Variants in CACNG7 observed in about 807,000 individuals in gnomAD.
The protein encoded by CACNG7 is calcium voltage-gated channel auxiliary subunit gamma 7.
In CACNG7, 9 loss-of-function variants were observed where a neutral mutation model predicts 26.3. The observed-to-expected ratio is 0.34, with a 90% CI of 0.21 to 0.60. The LOEUF (loss-of-function observed/expected upper bound fraction) is 0.60, where lower values mean the gene tolerates loss of function less well. Ranked by LOEUF, CACNG7 falls within the 20% of genes least tolerant of loss-of-function variation. The pLI, the probability that CACNG7 is intolerant of heterozygous loss-of-function variation, is 0.81. For synonymous variants in CACNG7, 170 were observed against 157.0 expected, an observed-to-expected ratio of 1.08 and a Z score of -0.62; for missense variants, 297 against 380.4, an observed-to-expected ratio of 0.78 and a Z score of 1.82.
At chr19:53,925,436 T>C (rs1336053469) in intron 4 of CACNG7, among the ~76,000 whole-genome samples, 1 of 140,042 alleles carries the variant, frequency 7.1e-6, no homozygotes, top group East Asian at 2.1e-4. Flanking sequence ...CCCAGGCTGG[T>C]CATTGGTGGA....
chr19:53,912,179 C>G lies in CACNG7; in HGVS notation c.-29-624C>G, dbSNP rs909111604. On this transcript the variant is annotated intron_variant, in intron 1 of 5. Coordinates refer to ENST00000391767, the MANE Select transcript of CACNG7 (RefSeq NM_031896.5). This position sits in a 1 kb window ranked among gnomAD's most constrained non-coding sequence, Gnocchi z 4.6. ...GTGCTCTGGGATCTAGGTCCTGGCT[C>G]AGAGTTGAGGTTATTGATCCTTGTT... Among the ~76,000 whole-genome samples the G allele has an allele frequency of 1.3e-5, 2 of 152,106 alleles. No homozygotes were observed. Among genetic ancestry groups the G allele is most frequent in the Admixed American group, 6.5e-5 (1 of 15,272 alleles).
At position 53,941,476 on chromosome 19, in the gene CACNG7, C is replaced by T. The variant is rs1236843192; in HGVS notation, c.431C>T (p.Ser144Phe). ...ACCCCCTCTGCTCCCCTAGGCCTCT[C>T]CTTGGTGGTGGGCTTGGTTCTTTAC... ...SGIFFILSGL[S>F]LVVGLVLYIS... The change falls in exon 5 of 6, where the codon TCC (serine) becomes TTC (phenylalanine). Residue 144 changes from serine (S) to phenylalanine (F), a missense_variant. Ser to Phe is a radical substitution (Grantham distance 155). Coordinates refer to ENST00000391767, the MANE Select transcript of CACNG7 (RefSeq NM_031896.5). 6.4e-7 allele frequency: 1 copy of T among 1,569,532 alleles called. No individual in the cohort carries two copies. The highest frequency in any genetic ancestry group is 8.6e-7 in the Non-Finnish European group (1 of 1,163,030).
At chr19:53,913,086 C>A in intron 2 of CACNG7, 59 bp downstream of exon 2, 1 of 1,476,948 alleles carries the variant, frequency 6.8e-7, no homozygotes, top group Non-Finnish European at 9.3e-7. Flanking sequence ...GTCTGAGAGT[C>A]TTAGCCATAG....
rs185787928 is a variant in CACNG7, at chr19:53,932,792, G to A, written c.425-8678G>A. ...TTTTCCAATGGAATCTTCTGTTGTC[G>A]TTTAATATGTTCATCTATTTCAGTG... On this transcript the variant is annotated intron_variant, in intron 4 of 5. Transcript: ENST00000391767. Among the ~76,000 whole-genome samples, 77 of 146,170 alleles carry A rather than the reference G, an allele frequency of 5.3e-4. 1 individual carries two copies. In the East Asian group the frequency reaches 0.015, roughly 28 times the overall value.
intron 4 of CACNG7, among the ~76,000 whole-genome samples, chr19:53,941,070 AAAAAG>A (rs1265891160): frequency 5.3e-5 from 8 of 151,990 alleles, no homozygotes; most frequent in African/African-American, 1.7e-4. Context: ...TCAAAAAAAA[AAAAAG>A]AGAGAAAAGA....
intron 4 of CACNG7, among the ~76,000 whole-genome samples, chr19:53,921,897 A>G (rs1406503615): frequency 1.3e-5 from 1 of 76,778 alleles, no homozygotes; most frequent in African/African-American, 8.7e-5. Flanking sequence ...TCATTGGTGG[A>G]GTTGTCCCCA....
chr19:53,921,287 T>TCTGGTCATTGGTGGAGTTGCCA (rs1568774165), intron 4 of CACNG7, among the ~76,000 whole-genome samples: 3 of 33,354 alleles, frequency 9.0e-5, no homozygotes, highest in East Asian at 1.1e-3. Flanking sequence ...TGGAGTTGCC[T>TCTGGTCATTGGTGGAGTTGCCA]CAGGTCTGGT....
At chr19:53,919,417 T>G (rs1599971351) in intron 4 of CACNG7, among the ~76,000 whole-genome samples, 1 of 137,656 alleles carries the variant, frequency 7.3e-6, no homozygotes, top group South Asian at 2.4e-4. Flanking sequence ...TGGTCATTGG[T>G]GGACTTGCCC....
chr19:53,914,772 T>TG (rs1471754095), intron 3 of CACNG7, among the ~76,000 whole-genome samples, 186 bp downstream of exon 3: 2 of 151,722 alleles, frequency 1.3e-5, no homozygotes, highest in Non-Finnish European at 2.9e-5. Context: ...GAGGCTGAGG[T>TG]GGGTGGATCA....
At chr19:53,928,893 G>T (rs888047283) in intron 4 of CACNG7, among the ~76,000 whole-genome samples, 1 of 151,882 alleles carries the variant, frequency 6.6e-6, no homozygotes, top group Non-Finnish European at 1.5e-5. Flanking sequence ...GGCGGATCAC[G>T]AAGTCAGGGG....
intron 4 of CACNG7, among the ~76,000 whole-genome samples, chr19:53,925,826 G>A (rs1454505367): frequency 1.3e-5 from 2 of 152,236 alleles, no homozygotes; most frequent in Non-Finnish European, 2.9e-5. Context: ...GGCTGGAGAT[G>A]TGAGGAAAAG....
At position 53,939,740 on chromosome 19, in the gene CACNG7, G is replaced by A. The variant is rs907619059; in HGVS notation, c.425-1730G>A. ...ACGCATAACGCTGTTACAAACATCCGTGTATGCGTTTTTGTATGAACATAT... is the reference window on the plus strand; with the variant it reads ...ACGCATAACGCTGTTACAAACATCCATGTATGCGTTTTTGTATGAACATAT... On this transcript the variant is annotated intron_variant, in intron 4 of 5. Transcript: ENST00000391767. This position sits in a 1 kb window ranked among gnomAD's most constrained non-coding sequence, Gnocchi z 4.2. Among the ~76,000 whole-genome samples, 4 of 152,148 alleles carry A rather than the reference G, an allele frequency of 2.6e-5. No individual in the cohort carries two copies. Among genetic ancestry groups the A allele is most frequent in the Non-Finnish European group, 4.4e-5 (3 of 68,046 alleles).
intron 1 of CACNG7, among the ~76,000 whole-genome samples, chr19:53,910,995 T>A (rs2068858350): frequency 5.9e-5 from 9 of 151,440 alleles, no homozygotes; most frequent in Admixed American, 5.9e-4. Flanking sequence ...GTTGGAAGGA[T>A]GAGAGACCGT....
rs1213377737 is a variant in CACNG7 at position 53,922,992 on chromosome 19, C to G, written c.424+7487C>G. On this transcript the variant is annotated intron_variant, in intron 4 of 5. Coordinates refer to ENST00000391767, the MANE Select transcript of CACNG7 (RefSeq NM_031896.5). ...GGTCATTGGTGGAGTTGTCCCAGGA[C>G]TGGTCATTGGTGCAGTTGCCCCAGG... Among the ~76,000 whole-genome samples the G allele has an allele frequency of 2.1e-5, 2 of 96,796 alleles. 1 individual carries two copies. Among genetic ancestry groups the G allele is most frequent in the Non-Finnish European group, 3.8e-5 (2 of 52,662 alleles). 63.5% of individuals were successfully genotyped at this position (96,796 alleles called of 152,430 possible). A position where few individuals can be genotyped will look rare whatever the true frequency, so the allele number is the denominator to read the frequency against.
chr19:53,929,122 CAAAA>C (rs1297562260), intron 4 of CACNG7, among the ~76,000 whole-genome samples: 4 of 50,470 alleles, frequency 7.9e-5, no homozygotes, highest in Admixed American at 2.4e-4. Flanking sequence ...AAAAAAAAAA[CAAAA>C]AAAAAAAAAA....
chr19:53,934,812 A>G (rs2069095046), intron 4 of CACNG7, among the ~76,000 whole-genome samples: 1 of 151,668 alleles, frequency 6.6e-6, no homozygotes, highest in Non-Finnish European at 1.5e-5. Context: ...TGTGCAGGTA[A>G]TACTTTAGCA....
chr19:53,919,012 C>T (rs763839945), intron 4 of CACNG7, among the ~76,000 whole-genome samples: 10 of 152,266 alleles, frequency 6.6e-5, no homozygotes, highest in South Asian at 2.1e-4. Flanking sequence ...TCAGGTGATC[C>T]GCCCGCCTCG....
rs2069144798 is a variant in CACNG7, at chr19:53,942,440, A to C, written c.*147A>C. The C allele has an allele frequency of 4.7e-6, 7 of 1,486,576 alleles. No individual in the cohort carries two copies. The highest frequency in any genetic ancestry group is 2.3e-5 in the Admixed American group (1 of 42,610). The allele number at this position is 1,486,576 out of a possible 1,614,324, so 92.1% of individuals were successfully genotyped here. The stretch of plus-strand genomic sequence containing the variant: ...AGCTTTAGGCCCCGCCCTCCTCCCA[A>C]TGGCTCCGCCCACAGACTCCCTTAT... On this transcript the variant is annotated 3_prime_UTR_variant, in exon 6 of 6. Coordinates refer to ENST00000391767, the MANE Select transcript of CACNG7 (RefSeq NM_031896.5). The surrounding 1 kb of genome is among the most constrained non-coding windows in gnomAD (Gnocchi z 5.9).
rs1471654602 is a variant in CACNG7 at position 53,925,313 on chromosome 19, A to T, written c.424+9808A>T. Among the ~76,000 whole-genome samples the T allele has an allele frequency of 7.5e-5, 8 of 107,370 alleles. No individual in the cohort carries two copies. In the Admixed American group the frequency reaches 9.0e-4, roughly 12 times the overall value. The allele number at this position is 107,370 out of a possible 152,430, so 70.4% of individuals were successfully genotyped here. On this transcript the variant is annotated intron_variant, in intron 4 of 5. Transcript: ENST00000391767. The stretch of plus-strand genomic sequence containing the variant: ...TTGTCCCAGGTCTGGTCATTGGTGG[A>T]GTTGTCCCCAGGCCTGGTCATTGGT...
Sources: allele counts gnomAD v4.1 joint callset (sites outside exome capture counted in the v4.1 genomes callset), GRCh38; gene constraint gnomAD v4.1.1; non-coding constraint Gnocchi (gnomAD v3.1); transcripts MANE v1.5; gene names NCBI Gene and HGNC (gene_info 2026-07-23, HGNC 2026-07-21).